PARD3: variants seen among roughly 807,000 people sequenced by gnomAD.
The protein encoded by PARD3 is par-3 family cell polarity regulator, also known as partitioning defective 3 homolog.
A neutral mutation model predicts 155.4 loss-of-function variants in PARD3; 75 were observed. The ratio of observed to expected loss-of-function variants is 0.48; its 90% CI spans 0.40 to 0.58. The LOEUF (loss-of-function observed/expected upper bound fraction) is 0.58. Ranked by LOEUF, PARD3 falls within the 20% of genes least tolerant of loss-of-function variation. The pLI is 0.00. For synonymous variants in PARD3, 576 were observed against 610.5 expected (o/e 0.94, Z 0.83); for missense variants, 1,642 against 1,721.7 (o/e 0.95, Z 0.82).
At chr10:34,286,692 G>C (rs919752042) in intron 20 of PARD3, among the ~76,000 whole-genome samples, 6 of 152,214 alleles carry the variant, frequency 3.9e-5, no homozygotes, top group Non-Finnish European at 8.8e-5. Flanking sequence ...AGACCACATG[G>C]ATTTTGGATT....
At chr10:34,798,661 C>T (rs1381383739) in intron 1 of PARD3, among the ~76,000 whole-genome samples, 1 of 130,318 alleles carries the variant, frequency 7.7e-6, no homozygotes, top group African/African-American at 3.1e-5. Context: ...GCCGAGATGT[C>T]GCCATTGCAC....
intron 11 of PARD3, among the ~76,000 whole-genome samples, chr10:34,373,502 G>C (rs960187377): frequency 6.6e-6 from 1 of 151,238 alleles, no homozygotes; most frequent in Non-Finnish European, 1.5e-5. Context: ...TTAAAGCTTC[G>C]GCAAATCACA....
intron 1 of PARD3, among the ~76,000 whole-genome samples, chr10:34,766,164 G>C (rs1189309925): frequency 6.6e-6 from 1 of 152,160 alleles, no homozygotes; most frequent in Non-Finnish European, 1.5e-5. Context: ...ACTTGCATCA[G>C]AATAAAGCAT....
At chr10:34,383,349 A>C (rs981110094) in intron 8 of PARD3, among the ~76,000 whole-genome samples, 4 of 151,878 alleles carry the variant, frequency 2.6e-5, no homozygotes, top group African/African-American at 9.7e-5. Flanking sequence ...TTATATTTAG[A>C]ATATTGGATT....
At chr10:34,283,341 G>C (rs1163605499) in intron 21 of PARD3, among the ~76,000 whole-genome samples, 1 of 152,074 alleles carries the variant, frequency 6.6e-6, no homozygotes, top group Non-Finnish European at 1.5e-5. Context: ...GTACCTCTTA[G>C]CTGTGGCTGC....
intron 22 of PARD3, among the ~76,000 whole-genome samples, chr10:34,150,652 T>C (rs1057187853): frequency 2.0e-5 from 3 of 151,986 alleles, no homozygotes; most frequent in African/African-American, 7.3e-5. Flanking sequence ...ATCTCGCTGC[T>C]CCCTCCAGCT....
chr10:34,395,090 A>G (rs1843188764), intron 7 of PARD3, among the ~76,000 whole-genome samples: 1 of 152,162 alleles, frequency 6.6e-6, no homozygotes, highest in African/African-American at 2.4e-5. Flanking sequence ...GCTGGAGTGC[A>G]GTGGCGTGAT....
At chr10:34,560,024 T>C (rs2085334664) in intron 2 of PARD3, among the ~76,000 whole-genome samples, 1 of 152,202 alleles carries the variant, frequency 6.6e-6, no homozygotes, top group African/African-American at 2.4e-5. Flanking sequence ...AGATGGGACA[T>C]ATAATTATTT....
At chr10:34,191,840 ACCTG>A (rs2133268672) in intron 22 of PARD3, among the ~76,000 whole-genome samples, 1 of 152,252 alleles carries the variant, frequency 6.6e-6, no homozygotes, top group African/African-American at 2.4e-5. Context: ...AGATTAGGGA[ACCTG>A]AGTCTAAGAG....
intron 5 of PARD3, among the ~76,000 whole-genome samples, chr10:34,423,425 T>C (rs117736421): frequency 2.0e-5 from 3 of 152,268 alleles, no homozygotes; most frequent in Non-Finnish European, 4.4e-5. Flanking sequence ...AATAACAATA[T>C]ACTGTATACT....
At chr10:34,619,498 A>G (rs2091483604) in intron 2 of PARD3, among the ~76,000 whole-genome samples, 1 of 152,174 alleles carries the variant, frequency 6.6e-6, no homozygotes, top group Non-Finnish European at 1.5e-5. Flanking sequence ...TAGCTTAAAT[A>G]TCCTGCATTT....
intron 3 of PARD3, among the ~76,000 whole-genome samples, chr10:34,478,107 A>G (rs2078830774): frequency 2.0e-5 from 3 of 152,248 alleles, no homozygotes; most frequent in Admixed American, 1.3e-4. Flanking sequence ...GAAAAGCAAC[A>G]AATGACTCAG....
chr10:34,336,391 T>A, intron 17 of PARD3, 148 bp from the exon 18 acceptor site: 1 of 583,498 alleles, frequency 1.7e-6, no homozygotes, highest in Non-Finnish European at 3.0e-6. Context: ...ACATTCATAA[T>A]CAAAAAAGGA....
chr10:34,614,185 T>C lies in PARD3; in HGVS notation c.222+82133A>G, dbSNP rs74132070. 7.9e-3 allele frequency among the ~76,000 whole-genome samples: 1,203 copies of C among 152,284 alleles called. 17 individuals are homozygous for C. Among genetic ancestry groups the C allele is most frequent in the African/African-American group, 0.028 (1,152 of 41,552 alleles). On this transcript the variant is annotated intron_variant, in intron 2 of 24. Transcript: ENST00000374788. ...TAAGTCAACCAACATAGAAAAGTAATGTGAGGCCAATGACCTCTCTCCTTT... is the reference window on the plus strand; with the variant it reads ...TAAGTCAACCAACATAGAAAAGTAACGTGAGGCCAATGACCTCTCTCCTTT...
At chr10:34,263,328 A>G (rs1955120849) in intron 22 of PARD3, among the ~76,000 whole-genome samples, 1 of 152,156 alleles carries the variant, frequency 6.6e-6, no homozygotes, top group Non-Finnish European at 1.5e-5. Context: ...ATAGATGAGG[A>G]AAGTGAAGCA....
At chr10:34,632,176 T>C (rs1419297119) in intron 2 of PARD3, among the ~76,000 whole-genome samples, 4 of 152,182 alleles carry the variant, frequency 2.6e-5, no homozygotes, top group African/African-American at 4.8e-5. Flanking sequence ...CCAGAATTGC[T>C]TGGACCCAAG....
chr10:34,305,849 G>A (rs1407311472), intron 20 of PARD3, among the ~76,000 whole-genome samples: 1 of 152,104 alleles, frequency 6.6e-6, no homozygotes, highest in East Asian at 1.9e-4. Flanking sequence ...AGCTGGGCAT[G>A]GTGACATGCA....
At chr10:34,352,074 C>G (rs931893568) in intron 14 of PARD3, among the ~76,000 whole-genome samples, 4 of 152,204 alleles carry the variant, frequency 2.6e-5, no homozygotes, top group Admixed American at 1.3e-4. Flanking sequence ...GCGATATTCT[C>G]TACTGGCACT....
intron 1 of PARD3, among the ~76,000 whole-genome samples, chr10:34,802,947 C>A (rs555386819): frequency 1.3e-5 from 2 of 151,652 alleles, no homozygotes; most frequent in Non-Finnish European, 2.9e-5. Context: ...GACTCCCGAC[C>A]AGGCACGGTG....
Sources: gnomAD v4.1 joint callset for allele counts (sites outside exome capture counted in the v4.1 genomes callset) on GRCh38, gnomAD v4.1.1 for gene constraint, MANE v1.5 for transcripts, NCBI Gene and HGNC (gene_info 2026-07-23, HGNC 2026-07-21) for gene names.